The following OCA2 variants were observed in gnomAD, a reference collection of about 807,000 sequenced individuals.
OCA2 encodes the protein P protein.
A neutral mutation model predicts 100.2 loss-of-function variants in OCA2; 77 were observed. The ratio of observed to expected loss-of-function variants is 0.77; its 90% CI spans 0.64 to 0.93. OCA2 has a LOEUF of 0.93. OCA2 is among the 40% of genes least tolerant of loss of function. OCA2 has a pLI of 0.00. For synonymous variants in OCA2, 432 were observed against 439.2 expected, an observed-to-expected ratio of 0.98 and a Z score of 0.21; for missense variants, 1,062 against 1,089.1, an observed-to-expected ratio of 0.98 and a Z score of 0.35.
At chr15:27,730,857 G>A in the OCA2 span, among the ~76,000 whole-genome samples, 3 of 148,126 alleles carry the variant, frequency 2.0e-5, no homozygotes, top group Non-Finnish European at 3.0e-5. Flanking sequence ...AAGCCTAAAC[G>A]CAGCAGAATA....
chr15:28,013,777 G>A (rs1056044197), intron 9 of OCA2, among the ~76,000 whole-genome samples: 1 of 152,170 alleles, frequency 6.6e-6, no homozygotes, highest in African/African-American at 2.4e-5. Flanking sequence ...CCCTGAGCCT[G>A]CGAGTTCCTG....
chr15:27,722,158 G>A, the OCA2 span, among the ~76,000 whole-genome samples: 1 of 152,226 alleles, frequency 6.6e-6, no homozygotes, highest in African/African-American at 2.4e-5. Context: ...AATGTGTGCC[G>A]TTCAGTGAAA....
intron 23 of OCA2, among the ~76,000 whole-genome samples, chr15:27,768,731 G>T (rs769851106): frequency 3.9e-5 from 6 of 152,198 alleles, no homozygotes; most frequent in Non-Finnish European, 8.8e-5. Context: ...GTCAAGAAGA[G>T]ACCAGTGATA....
At chr15:27,733,031 G>A in the OCA2 span, among the ~76,000 whole-genome samples, 1 of 152,140 alleles carries the variant, frequency 6.6e-6, no homozygotes, top group Non-Finnish European at 1.5e-5. Flanking sequence ...ACCCTCAGAG[G>A]CAGAACTCTT....
At chr15:27,835,015 C>T (rs971706590) in intron 23 of OCA2, among the ~76,000 whole-genome samples, 7 of 152,148 alleles carry the variant, frequency 4.6e-5, no homozygotes, top group East Asian at 1.9e-4. Flanking sequence ...GCCTTCCGGA[C>T]GTAATGGGAT....
At position 28,014,857 on chromosome 15, in the gene OCA2, C is replaced by T. The variant is rs140492425; in HGVS notation, c.963G>A (p.Gln321=). The T allele has an allele frequency of 5.9e-5, 96 of 1,614,150 alleles. 2 individuals are homozygous for T. The African/African-American group carries it at 1.1e-3, about 19-fold the overall frequency. Residue 321 remains glutamine, a synonymous_variant, in exon 9 of 24, where the codon CAG becomes CAA. Transcript: ENST00000354638. ...GGGTTTCTACACTTCCGCGGAGGTA[C>T]TGATGAGCCATCAAAAGAGGGACAG... is the stretch of plus-strand genomic sequence containing the variant. ...TQAVPLLMAH[Q]YLRGSVETQV... is the part of the protein sequence containing the mutation.
At chr15:28,067,761 G>C (rs1269880737) in intron 2 of OCA2, among the ~76,000 whole-genome samples, 1 of 152,128 alleles carries the variant, frequency 6.6e-6, no homozygotes, top group Non-Finnish European at 1.5e-5. Context: ...CTGAGAATGT[G>C]GTCAATCTTA....
At chr15:27,929,334 C>T (rs1419250305) in intron 18 of OCA2, among the ~76,000 whole-genome samples, 1 of 152,080 alleles carries the variant, frequency 6.6e-6, no homozygotes, top group African/African-American at 2.4e-5. Flanking sequence ...AAAATATACC[C>T]ATATATTTAT....
intron 23 of OCA2, among the ~76,000 whole-genome samples, chr15:27,797,113 G>A (rs1033258729): frequency 1.3e-5 from 2 of 152,200 alleles, no homozygotes; most frequent in Admixed American, 6.5e-5. Context: ...CCCTGGTGAA[G>A]CGTGGCACCC....
At chr15:28,061,246 T>G (rs557950489) in intron 2 of OCA2, among the ~76,000 whole-genome samples, 2 of 152,050 alleles carry the variant, frequency 1.3e-5, no homozygotes, top group Non-Finnish European at 2.9e-5. Context: ...GACCCCAACA[T>G]GCACACACAG....
At position 27,871,229 on chromosome 15, in the gene OCA2, G is replaced by A. The variant is rs370020051; in HGVS notation, c.2169C>T (p.Ala723=). 302 of 1,614,052 alleles carry A rather than the reference G, an allele frequency of 1.9e-4. No individual in the cohort carries two copies. The highest frequency in any genetic ancestry group is 2.4e-4 in the Non-Finnish European group (284 of 1,180,016). The stretch of plus-strand genomic sequence containing the variant: ...AGACCCACACCACCAGGACAATGGC[G>A]GCTATGAGGCGCTGCTCCTCTGGGA... ...KMVPEEQRLI[A]AIVLVVWVSA... The change falls in exon 21 of 24, where the codon GCC becomes GCT. Residue 723 remains alanine, a synonymous_variant. Coordinates refer to ENST00000354638, the MANE Select transcript of OCA2 (RefSeq NM_000275.3).
intron 2 of OCA2, among the ~76,000 whole-genome samples, chr15:28,042,528 T>C (rs2043235263): frequency 1.3e-5 from 2 of 151,000 alleles, no homozygotes; most frequent in Non-Finnish European, 2.9e-5. Flanking sequence ...TGGTCCCAGC[T>C]ACTTGGGAGG....
chr15:27,733,176 A>G, the OCA2 span, among the ~76,000 whole-genome samples: 1 of 152,246 alleles, frequency 6.6e-6, no homozygotes, highest in Non-Finnish European at 1.5e-5. Flanking sequence ...TAGACTTTCA[A>G]GAGACATGAG....
intron 9 of OCA2, among the ~76,000 whole-genome samples, chr15:28,009,093 A>G (rs2042165793): frequency 6.6e-6 from 1 of 152,234 alleles, no homozygotes; most frequent in Non-Finnish European, 1.5e-5. Flanking sequence ...TGGCGATTGC[A>G]TCCAGCCCTC....
intron 19 of OCA2, among the ~76,000 whole-genome samples, chr15:27,921,400 A>T (rs2038855026): frequency 6.6e-6 from 1 of 152,252 alleles, no homozygotes; most frequent in Non-Finnish European, 1.5e-5. Context: ...ACACATAAAC[A>T]AAGAGAGAAT....
intron 19 of OCA2, among the ~76,000 whole-genome samples, chr15:27,878,237 C>T (rs981344968): frequency 6.6e-6 from 1 of 151,936 alleles, no homozygotes; most frequent in Non-Finnish European, 1.5e-5. Context: ...AACCATCAAA[C>T]CTATTTTGAA....
At chr15:27,896,478 A>G (rs370157429) in intron 19 of OCA2, 1 of 596,948 alleles carries the variant, frequency 1.7e-6, no homozygotes, top group East Asian at 3.0e-5. Flanking sequence ...AAAAGTTAAA[A>G]AGAAGTGGAA....
chr15:27,940,336 G>A lies in OCA2; in HGVS notation c.1951+11448C>T, dbSNP rs186458965. On this transcript the variant is annotated intron_variant, in intron 18 of 23. Transcript: ENST00000354638. ...TTCTCCCTACTGGACCCCCAGAAAG[G>A]TTTCCAGCCCTGTAGTTAGGTGAAG... Among the ~76,000 whole-genome samples the A allele has an allele frequency of 1.7e-3, 262 of 152,318 alleles. 1 individual carries two copies. Among genetic ancestry groups the A allele is most frequent in the Non-Finnish European group, 1.4e-3 (94 of 68,034 alleles).
intron 23 of OCA2, among the ~76,000 whole-genome samples, chr15:27,803,481 T>C (rs1466921822): frequency 1.3e-5 from 2 of 152,170 alleles, no homozygotes; most frequent in Non-Finnish European, 2.9e-5. Context: ...AATAAGCCCA[T>C]CACGAAATGA....
Sources: gnomAD v4.1 joint callset for allele counts (sites outside exome capture counted in the v4.1 genomes callset) on GRCh38, gnomAD v4.1.1 for gene constraint, MANE v1.5 for transcripts, NCBI Gene and HGNC (gene_info 2026-07-23, HGNC 2026-07-21) for gene names.